Variants in FBXL19 observed in about 807,000 individuals in gnomAD.
The protein encoded by FBXL19 is F-box/LRR-repeat protein 19.
FBXL19 carries 16 observed loss-of-function variants against 71.2 expected under a neutral mutation model. That is an observed-to-expected ratio of 0.22 (90% CI 0.15 to 0.34). The LOEUF is 0.34. Among genes scored for constraint, FBXL19 ranks in the 10% least tolerant of loss-of-function variants. The pLI is 1.00. For missense variants in FBXL19, 658 were observed against 968.2 expected, an observed-to-expected ratio of 0.68 and a Z score of 4.25; for synonymous variants, 447 against 409.4, an observed-to-expected ratio of 1.09 and a Z score of -1.11.
chr16:30,937,359 C>CA (rs1417740321), intron 7 of FBXL19, among the ~76,000 whole-genome samples: 1 of 152,020 alleles, frequency 6.6e-6, no homozygotes, highest in African/African-American at 2.4e-5. Context: ...AGTCTCAGGT[C>CA]AGGCATTGTC....
Position 30,948,190 on chromosome 16 carries a change from G to T in FBXL19, c.*960G>T, listed in dbSNP as rs1231831121. The T allele has an allele frequency of 1.2e-5, 2 of 160,164 alleles. No homozygotes were observed. The highest frequency in any genetic ancestry group is 2.8e-5 in the Non-Finnish European group (2 of 72,488). The allele number at this position is 160,164 out of a possible 1,614,324, so 9.9% of individuals were successfully genotyped here. On this transcript the variant is annotated 3_prime_UTR_variant, in exon 11 of 11. Transcript: ENST00000338343. ...CTGTATTGAGCGGCGGCACCCGCCG[G>T]ACCCGCATTATGGCTGGGGGCGCCA...
chr16:30,936,457 C>T (rs891661124), intron 7 of FBXL19, among the ~76,000 whole-genome samples: 6 of 146,452 alleles, frequency 4.1e-5, no homozygotes, highest in African/African-American at 1.0e-4. Flanking sequence ...TTTTTTGAGA[C>T]GGAGTCTCAC....
At chr16:30,926,559 G>T (rs760695669) in intron 2 of FBXL19, among the ~76,000 whole-genome samples, 11 of 151,834 alleles carry the variant, frequency 7.2e-5, no homozygotes, top group Non-Finnish European at 1.0e-4. Flanking sequence ...CCCAGCAGCC[G>T]CGAGGAGCCA....
Position 30,946,751 on chromosome 16 carries a change from G to T in FBXL19, c.1649G>T (p.Arg550Leu), listed in dbSNP as rs774083377. ...TKPGQTESRGRLQGVAELRLA... is the reference protein window; with the variant it reads ...TKPGQTESRGLLQGVAELRLA... ...CCAGGGCAAACAGAGAGCCGTGGTC[G>T]GCTGCAGGGGGTGGCAGAACTGCGT... Residue 550 changes from arginine to leucine, a missense_variant, in exon 10 of 11, where the codon CGG becomes CTG. By Grantham distance (102) the Arg-to-Leu change is moderately radical (BLOSUM62 -2). Transcript: ENST00000338343. This position sits in a 1 kb window ranked among gnomAD's most constrained non-coding sequence, Gnocchi z 6.7. 34 of 1,613,020 alleles carry T rather than the reference G, an allele frequency of 2.1e-5. No homozygotes were observed. The highest frequency in any genetic ancestry group is 2.7e-5 in the Non-Finnish European group (32 of 1,179,736).
chr16:30,930,430 C>T lies in FBXL19; in HGVS notation c.1147C>T (p.Arg383Trp). Residue 383 changes from arginine to tryptophan, a missense_variant, in exon 7 of 11, where the codon CGG (arginine) becomes TGG (tryptophan). Around this residue, in one of 8 missense-constraint regions of FBXL19, gnomAD observed 447 missense variants for 515.4 expected, o/e 0.87. Transcript: ENST00000338343. The surrounding 1 kb of genome is among the most constrained non-coding windows in gnomAD (Gnocchi z 8.5). ...TCCACAGCTGGAGCGGCACGTGGTG[C>T]GGCCCCCGCCTCGAAGCCCTGAGCC... Reference protein sequence around the residue: ...RPPQLERHVVRPPPRSPEPDT... With the variant: ...RPPQLERHVVWPPPRSPEPDT... 1 of 1,524,108 alleles carries T rather than the reference C, an allele frequency of 6.6e-7. No homozygotes were observed. Among genetic ancestry groups the T allele is most frequent in the Non-Finnish European group, 8.8e-7 (1 of 1,140,224 alleles). The allele number at this position is 1,524,108 out of a possible 1,614,324, so 94.4% of individuals were successfully genotyped here.
rs1282506193 is a variant in FBXL19 at position 30,924,386 on chromosome 16, C to G, written c.-98C>G. On this transcript the variant is annotated 5_prime_UTR_variant, in exon 1 of 11. Transcript: ENST00000338343. ...GTTCCGCGCCCCGCGCCGCCCGGCC[C>G]CCCCGCCGCCGATGGCCGCCGACCC... 1.0e-5 allele frequency: 2 copies of G among 195,452 alleles called. No homozygotes were observed. Among genetic ancestry groups the G allele is most frequent in the Non-Finnish European group, 2.1e-5 (2 of 96,152 alleles). The allele number at this position is 195,452 out of a possible 1,614,324, so 12.1% of individuals were successfully genotyped here.
intron 7 of FBXL19, among the ~76,000 whole-genome samples, chr16:30,933,252 C>T (rs1012033595): frequency 6.6e-6 from 1 of 152,156 alleles, no homozygotes; most frequent in African/African-American, 2.4e-5. Flanking sequence ...ATTCGCCTGC[C>T]TCAGCCTCCC....
chr16:30,947,160 G>T lies in FBXL19; in HGVS notation c.1955G>T (p.Arg652Leu). ...CRQLSPEACA[R>L]LAAAGPPGPF... is the part of the protein sequence containing the mutation. The stretch of plus-strand genomic sequence containing the variant: ...CAGCTCTCACCCGAAGCTTGTGCCC[G>T]GCTGGCAGCTGCCGGGCCCCCTGGC... The change falls in exon 11 of 11, where the codon CGG (arginine) becomes CTG (leucine). Residue 652 changes from arginine to leucine, a missense_variant. Transcript: ENST00000338343. 6.3e-7 allele frequency: 1 copy of T among 1,599,916 alleles called. No individual in the cohort carries two copies. The highest frequency in any genetic ancestry group is 2.2e-5 in the East Asian group (1 of 44,838).
chr16:30,937,813 G>A (rs2055755744), intron 7 of FBXL19, among the ~76,000 whole-genome samples: 2 of 152,108 alleles, frequency 1.3e-5, no homozygotes, highest in Non-Finnish European at 1.5e-5. Context: ...GGTCCTGTGG[G>A]TGCCCCCAGG....
At chr16:30,922,860 A>T (rs898415561), upstream of FBXL19, 20 of 348,470 alleles carry the variant, frequency 5.7e-5, no homozygotes, top group Admixed American at 4.4e-4. Flanking sequence ...GGATTTCGAG[A>T]CCACAGGCGG....
At position 30,947,146 on chromosome 16, in the gene FBXL19, C is replaced by G. The variant is rs780731282; in HGVS notation, c.1941C>G (p.Pro647=). ...TGCGCTCCTGCCGCCAGCTCTCACC[C>G]GAAGCTTGTGCCCGGCTGGCAGCTG... ...LDLRSCRQLS[P]EACARLAAAG... The change falls in exon 11 of 11, where the codon CCC becomes CCG. Residue 647 remains proline, a synonymous_variant. Coordinates refer to ENST00000338343, the MANE Select transcript of FBXL19 (RefSeq NM_001382779.1). 2.5e-6 allele frequency: 4 copies of G among 1,600,270 alleles called. No individual in the cohort carries two copies. Among genetic ancestry groups the G allele is most frequent in the Non-Finnish European group, 3.4e-6 (4 of 1,179,482 alleles).
chr16:30,948,037 A>G lies in FBXL19; in HGVS notation c.*807A>G. 3.8e-6 allele frequency: 1 copy of G among 260,446 alleles called. No homozygotes were observed. The highest frequency in any genetic ancestry group is 7.9e-6 in the Non-Finnish European group (1 of 126,562). The allele number at this position is 260,446 out of a possible 1,614,324, so 16.1% of individuals were successfully genotyped here. A position where few individuals can be genotyped will look rare whatever the true frequency, so the allele number is the denominator to read the frequency against. On this transcript the variant is annotated 3_prime_UTR_variant, in exon 11 of 11. Coordinates refer to ENST00000338343, the MANE Select transcript of FBXL19 (RefSeq NM_001382779.1). ...TCATCTGTACTGAAGTGTTACTTGA[A>G]CCGGGGGAATCTCGGACCTGGGGGA...
In FBXL19 at chr16:30,942,285, G is replaced by C; in HGVS notation, c.1465+6G>C. 1.3e-6 allele frequency: 2 copies of C among 1,599,630 alleles called. No homozygotes were observed. Among genetic ancestry groups the C allele is most frequent in the Non-Finnish European group, 1.7e-6 (2 of 1,172,438 alleles). On this transcript the variant is annotated splice_donor_region_variant and intron_variant, in intron 8 of 10. Coordinates refer to ENST00000338343, the MANE Select transcript of FBXL19 (RefSeq NM_001382779.1). This position sits in a 1 kb window ranked among gnomAD's most constrained non-coding sequence, Gnocchi z 5.7. Reference sequence around the variant, plus strand: ...GCTTCTGAACCGACTACAAGGTAGGGTGTGTGGTACGGAGGACAGGGTGGG... The same window carrying C: ...GCTTCTGAACCGACTACAAGGTAGGCTGTGTGGTACGGAGGACAGGGTGGG...
chr16:30,933,605 GTGCC>G (rs2055699022), intron 7 of FBXL19, among the ~76,000 whole-genome samples: 1 of 148,338 alleles, frequency 6.7e-6, no homozygotes, highest in South Asian at 2.1e-4. Context: ...ACATGCCACT[GTGCC>G]TGGCCAATTT....
At position 30,925,667 on chromosome 16, in the gene FBXL19, G is replaced by A. The variant is rs1246080391; in HGVS notation, c.-24-64G>A. The A allele has an allele frequency of 2.8e-6, 4 of 1,424,598 alleles. No homozygotes were observed. Among genetic ancestry groups the A allele is most frequent in the East Asian group, 2.9e-5 (1 of 34,408 alleles). 88.2% of individuals were successfully genotyped at this position (1,424,598 alleles called of 1,614,324 possible). ...TAGCTGCCTGTAGGTGGAGGGACCT[G>A]TCAGGGGTCTCCCAGGCCAGGGCCC... is the stretch of plus-strand genomic sequence containing the variant. On this transcript the variant is annotated intron_variant, in intron 1 of 10. Coordinates refer to ENST00000338343, the MANE Select transcript of FBXL19 (RefSeq NM_001382779.1). This position sits in a 1 kb window ranked among gnomAD's most constrained non-coding sequence, Gnocchi z 5.0.
chr16:30,943,014 G>T (rs2055818969), intron 9 of FBXL19, among the ~76,000 whole-genome samples: 2 of 152,214 alleles, frequency 1.3e-5, no homozygotes, highest in Admixed American at 6.5e-5. Context: ...CCTCCTGCCA[G>T]GGTCTCCAGC....
At chr16:30,937,375 A>G (rs776698599) in intron 7 of FBXL19, among the ~76,000 whole-genome samples, 1 of 151,764 alleles carries the variant, frequency 6.6e-6, no homozygotes, top group Non-Finnish European at 1.5e-5. Context: ...TTGTCCCCCC[A>G]GGAGGCTCCC....
chr16:30,926,040 G>C, intron 2 of FBXL19, 109 bp downstream of exon 2: 2 of 1,337,250 alleles, frequency 1.5e-6, no homozygotes, highest in South Asian at 1.9e-5. Context: ...TTGTTCACTC[G>C]TTCATTTCTT....
intron 7 of FBXL19, among the ~76,000 whole-genome samples, chr16:30,932,547 T>C (rs1259051858): frequency 6.6e-6 from 1 of 152,216 alleles, no homozygotes; most frequent in Non-Finnish European, 1.5e-5. Context: ...TGAGTTTCAC[T>C]GGCTGCGTGG....
Sources: allele counts gnomAD v4.1 joint callset (sites outside exome capture counted in the v4.1 genomes callset), GRCh38; gene constraint gnomAD v4.1.1; regional missense constraint gnomAD v4.1.1; non-coding constraint Gnocchi (gnomAD v3.1); transcripts MANE v1.5; gene names NCBI Gene and HGNC (gene_info 2026-07-23, HGNC 2026-07-21).